Variants in THRAP3 observed in about 807,000 individuals in gnomAD.
THRAP3 encodes thyroid hormone receptor-associated protein 3.
A neutral mutation model predicts 101.0 loss-of-function variants in THRAP3; 16 were observed. The ratio of observed to expected loss-of-function variants is 0.16; its 90% CI spans 0.11 to 0.24. The LOEUF (loss-of-function observed/expected upper bound fraction) is 0.24. Ranked by LOEUF, THRAP3 falls within the 10% of genes least tolerant of loss-of-function variation. The pLI is 1.00. For missense variants in THRAP3, 989 were observed against 1,202.7 expected (o/e 0.82, Z 2.63); for synonymous variants, 407 against 422.6 (o/e 0.96, Z 0.45).
chr1:36,213,342 T>C, the THRAP3 span, among the ~76,000 whole-genome samples: 1 of 152,102 alleles, frequency 6.6e-6, no homozygotes, highest in Non-Finnish European at 1.5e-5. Flanking sequence ...TAGCCAACAC[T>C]TCATATTCCT....
chr1:36,246,339 TCTC>T (rs1645230169), intron 1 of THRAP3, among the ~76,000 whole-genome samples: 1 of 152,196 alleles, frequency 6.6e-6, no homozygotes, highest in South Asian at 2.1e-4. Flanking sequence ...TTCAAGCAAT[TCTC>T]CTGCCTCAGC....
At chr1:36,224,726 C>G (rs1045400160) in intron 1 of THRAP3, among the ~76,000 whole-genome samples, 1 of 152,186 alleles carries the variant, frequency 6.6e-6, no homozygotes, top group South Asian at 2.1e-4. Flanking sequence ...GCCTAGCTCC[C>G]AAGGCTCTTG....
intron 7 of THRAP3, 65 bp downstream of exon 7, chr1:36,292,774 C>T (rs1645892865): frequency 1.6e-6 from 2 of 1,260,178 alleles, no homozygotes; most frequent in South Asian, 2.7e-5. Context: ...TTAAACTCAC[C>T]TTGTTAAATT....
chr1:36,244,804 G>A (rs1290437849), intron 1 of THRAP3, among the ~76,000 whole-genome samples: 4 of 151,012 alleles, frequency 2.6e-5, no homozygotes, highest in South Asian at 4.2e-4. Flanking sequence ...TGCAACCTCC[G>A]ACTCCCTGGT....
upstream of THRAP3, among the ~76,000 whole-genome samples, chr1:36,223,842 A>C (rs1461883076): frequency 6.6e-6 from 1 of 152,178 alleles, no homozygotes; most frequent in Admixed American, 6.5e-5. Context: ...AAAATTAAAA[A>C]AACGAAACCA....
intron 2 of THRAP3, among the ~76,000 whole-genome samples, chr1:36,262,576 T>G (rs1441303645): frequency 6.6e-6 from 1 of 152,176 alleles, no homozygotes; most frequent in East Asian, 1.9e-4. Flanking sequence ...TGTAGAACTC[T>G]TTGTAAACAG....
chr1:36,292,364 T>C (rs1645886711), intron 6 of THRAP3, among the ~76,000 whole-genome samples: 1 of 143,964 alleles, frequency 6.9e-6, no homozygotes, highest in Non-Finnish European at 1.5e-5. Flanking sequence ...TTCGGCCTCC[T>C]GGGTTCACGA....
At chr1:36,266,160 G>GAAAA (rs11446813) in intron 2 of THRAP3, among the ~76,000 whole-genome samples, 1 of 139,140 alleles carries the variant, frequency 7.2e-6, no homozygotes, top group Non-Finnish European at 1.5e-5. Flanking sequence ...CTCAAAAAAA[G>GAAAA]AAAAAAAAAA....
intron 1 of THRAP3, among the ~76,000 whole-genome samples, chr1:36,235,155 A>T (rs1339943912): frequency 1.3e-5 from 2 of 151,560 alleles, no homozygotes; most frequent in Non-Finnish European, 2.9e-5. Flanking sequence ...GTCTAGCTGC[A>T]GGGGGGGTTA....
At chr1:36,213,810 G>A in the THRAP3 span, among the ~76,000 whole-genome samples, 133 of 151,070 alleles carry the variant, frequency 8.8e-4, no homozygotes, top group Non-Finnish European at 1.6e-3. Flanking sequence ...TTGCCCCATT[G>A]CACTCCAGCC....
chr1:36,265,459 CTTTTTTTTTT>C (rs60539096), intron 2 of THRAP3, among the ~76,000 whole-genome samples: 2 of 104,842 alleles, frequency 1.9e-5, no homozygotes, highest in Non-Finnish European at 4.1e-5. Context: ...AGACAGGAAA[CTTTTTTTTTT>C]TTTTTTTTTT....
In THRAP3 at chr1:36,304,633, A is replaced by G. The variant is rs1570361409; in HGVS notation, c.*616A>G. ...GTTTTGTATGTCAAGGAGGAGTTTA[A>G]GGCCTTTCCGACCACCTTGTGTTCC... On this transcript the variant is annotated 3_prime_UTR_variant, in exon 12 of 12. Coordinates refer to ENST00000354618, the MANE Select transcript of THRAP3 (RefSeq NM_005119.4). 4.5e-6 allele frequency: 1 copy of G among 222,170 alleles called. No homozygotes were observed. The highest frequency in any genetic ancestry group is 9.0e-6 in the Non-Finnish European group (1 of 110,704). 13.8% of individuals were successfully genotyped at this position (222,170 alleles called of 1,614,324 possible).
chr1:36,279,474 T>G (rs953096533), intron 2 of THRAP3, among the ~76,000 whole-genome samples: 2 of 152,260 alleles, frequency 1.3e-5, no homozygotes, highest in African/African-American at 2.4e-5. Flanking sequence ...GTAAATTGTT[T>G]GTTTATACCT....
chr1:36,222,651 G>A (rs1162804769), upstream of THRAP3, among the ~76,000 whole-genome samples: 1 of 151,982 alleles, frequency 6.6e-6, no homozygotes, highest in Non-Finnish European at 1.5e-5. Context: ...CAGGTGAGCT[G>A]CCCGCCTCGG....
intron 1 of THRAP3, among the ~76,000 whole-genome samples, chr1:36,252,648 C>G (rs1470573216): frequency 6.6e-6 from 1 of 151,900 alleles, no homozygotes; most frequent in Non-Finnish European, 1.5e-5. Flanking sequence ...TGCCTCACAC[C>G]TGCAATCCCA....
Position 36,282,786 on chromosome 1 carries a change from T to G in THRAP3, c.137+86T>G, listed in dbSNP as rs963955274. The G allele has an allele frequency of 2.0e-6, 3 of 1,509,392 alleles. No homozygotes were observed. The African/African-American group carries it at 4.1e-5, about 21-fold the overall frequency. 93.5% of individuals were successfully genotyped at this position (1,509,392 alleles called of 1,614,324 possible). A position where few individuals can be genotyped will look rare whatever the true frequency, so the allele number is the denominator to read the frequency against. On this transcript the variant is annotated intron_variant, in intron 3 of 11. Transcript: ENST00000354618. ...AAGATCTTTTGTTAGACTTTTCCTG[T>G]GAGTGTCAAATGGACTGGGGGGTTG...
intron 2 of THRAP3, among the ~76,000 whole-genome samples, chr1:36,271,363 AC>A (rs1645588750): frequency 6.6e-6 from 1 of 151,748 alleles, no homozygotes; most frequent in African/African-American, 2.4e-5. Context: ...GCTCACTGCA[AC>A]CTCCGCCTCC....
intron 1 of THRAP3, among the ~76,000 whole-genome samples, chr1:36,247,909 C>G (rs1379155801): frequency 7.4e-6 from 1 of 135,034 alleles, no homozygotes; most frequent in Admixed American, 8.2e-5. Context: ...GAGTCTTGCT[C>G]TGTCACCCCG....
At chr1:36,221,454 T>G (rs768594951), upstream of THRAP3, among the ~76,000 whole-genome samples, 2 of 151,908 alleles carry the variant, frequency 1.3e-5, no homozygotes, top group African/African-American at 4.8e-5. Flanking sequence ...GCAAACTTCA[T>G]TGCTCTCTTA....
Sources: allele counts gnomAD v4.1 joint callset (sites outside exome capture counted in the v4.1 genomes callset), GRCh38; gene constraint gnomAD v4.1.1; transcripts MANE v1.5; gene names NCBI Gene and HGNC (gene_info 2026-07-23, HGNC 2026-07-21).